The following TENM3 variants were observed in gnomAD, a reference collection of about 807,000 sequenced individuals.
TENM3 encodes teneurin transmembrane protein 3, also known as teneurin-3.
TENM3 carries 63 observed loss-of-function variants against 255.1 expected under a neutral mutation model. That is an observed-to-expected ratio of 0.25 (90% CI 0.20 to 0.30). The LOEUF (loss-of-function observed/expected upper bound fraction) is 0.30. Among genes scored for constraint, TENM3 ranks in the 10% least tolerant of loss-of-function variants. TENM3 has a pLI of 1.00. For missense variants in TENM3, 2,929 were observed against 3,461.1 expected, an observed-to-expected ratio of 0.85 and a Z score of 3.86; for synonymous variants, 1,306 against 1,322.3, an observed-to-expected ratio of 0.99 and a Z score of 0.27.
intron 22 of TENM3, among the ~76,000 whole-genome samples, chr4:182,760,900 C>T (rs563595492): frequency 2.6e-5 from 4 of 152,288 alleles, no homozygotes; most frequent in African/African-American, 4.8e-5. Context: ...GCATGTGCTA[C>T]GCCTAAGCCT....
At chr4:181,891,765 G>C in the TENM3 span, among the ~76,000 whole-genome samples, 2,216 of 152,210 alleles carry the variant, frequency 0.015, 58 homozygotes, top group African/African-American at 0.051. Flanking sequence ...CAAATCTAGT[G>C]TATGTGATGA....
the TENM3 span, among the ~76,000 whole-genome samples, chr4:181,587,687 A>T: frequency 2.6e-5 from 4 of 152,230 alleles, no homozygotes; most frequent in Non-Finnish European, 5.9e-5. Flanking sequence ...TCAAATACTA[A>T]GTTGAATGTT....
chr4:181,536,339 T>G, the TENM3 span, among the ~76,000 whole-genome samples: 1 of 152,236 alleles, frequency 6.6e-6, no homozygotes, highest in African/African-American at 2.4e-5. Context: ...TCAGATATCC[T>G]GAGCAAGCTG....
chr4:182,503,835 A>C (rs1393702069), intron 3 of TENM3, among the ~76,000 whole-genome samples: 1 of 152,138 alleles, frequency 6.6e-6, no homozygotes, highest in East Asian at 1.9e-4. Flanking sequence ...CCAGATATCC[A>C]CGAGACTTAC....
chr4:182,394,662 C>T (rs1768675301), intron 3 of TENM3, among the ~76,000 whole-genome samples: 1 of 152,140 alleles, frequency 6.6e-6, no homozygotes, highest in Non-Finnish European at 1.5e-5. Flanking sequence ...ATCCTTTCCA[C>T]AGTTGCTTGA....
intron 3 of TENM3, among the ~76,000 whole-genome samples, chr4:182,506,758 G>A (rs143721231): frequency 1.3e-5 from 2 of 152,296 alleles, no homozygotes; most frequent in African/African-American, 4.8e-5. Context: ...GGAGTATGGA[G>A]TAGGTGAACT....
At chr4:181,735,522 G>C in the TENM3 span, among the ~76,000 whole-genome samples, 1 of 152,002 alleles carries the variant, frequency 6.6e-6, no homozygotes, top group Non-Finnish European at 1.5e-5. Flanking sequence ...TTAATATTCT[G>C]TCTTATAAAC....
At chr4:182,263,698 C>T (rs1759033160) in intron 1 of TENM3, among the ~76,000 whole-genome samples, 1 of 152,166 alleles carries the variant, frequency 6.6e-6, no homozygotes, top group Non-Finnish European at 1.5e-5. Flanking sequence ...CTTGCCCACC[C>T]TGCCACGGAC....
At position 182,161,959 on chromosome 4, in the gene TENM3, GTATATATATA is replaced by G. The variant is rs766414090; in HGVS notation, c.-76+17233_-76+17242del. 5.2e-3 allele frequency among the ~76,000 whole-genome samples: 85 copies of G among 16,278 alleles called. 9 individuals are homozygous for G. The highest frequency in any genetic ancestry group is 0.011 in the African/African-American group (61 of 5,646). 10.7% of individuals were successfully genotyped at this position (16,278 alleles called of 152,430 possible). ...CATATATATATTTGTGTGTGTGTGTGTATATATATATATATATATATATATATATATATAT... is the reference window on the plus strand; with the variant it reads ...CATATATATATTTGTGTGTGTGTGTGTATATATATATATATATATATATAT... On this transcript the variant is annotated intron_variant, in intron 1 of 2. Coordinates refer to the TENM3 transcript ENST00000512480.
At chr4:182,541,903 A>G (rs2151891467) in intron 3 of TENM3, among the ~76,000 whole-genome samples, 1 of 148,110 alleles carries the variant, frequency 6.8e-6, no homozygotes, top group South Asian at 2.1e-4. Flanking sequence ...TACAAAACTT[A>G]AAAAAAAAAA....
the TENM3 span, among the ~76,000 whole-genome samples, chr4:181,648,070 C>T: frequency 1.3e-5 from 2 of 152,070 alleles, no homozygotes; most frequent in Admixed American, 1.3e-4. Flanking sequence ...CCCTGTAGTC[C>T]CGTGTTGCAC....
intron 3 of TENM3, among the ~76,000 whole-genome samples, chr4:182,579,169 A>G (rs1289536220): frequency 6.6e-6 from 1 of 152,200 alleles, no homozygotes; most frequent in Non-Finnish European, 1.5e-5. Flanking sequence ...GCGGTGAACC[A>G]TTGTTGGTTC....
chr4:182,244,019 C>A (rs371320549), intron 1 of TENM3, among the ~76,000 whole-genome samples: 1 of 134,820 alleles, frequency 7.4e-6, no homozygotes, highest in Non-Finnish European at 1.5e-5. Flanking sequence ...AGTGGCGTGA[C>A]CTCGGCTCAC....
At chr4:181,934,872 A>G in the TENM3 span, among the ~76,000 whole-genome samples, 1 of 152,154 alleles carries the variant, frequency 6.6e-6, no homozygotes, top group African/African-American at 2.4e-5. Context: ...GAGACATAAC[A>G]TGTTGATTTT....
chr4:181,549,261 G>C, the TENM3 span, among the ~76,000 whole-genome samples: 1 of 152,164 alleles, frequency 6.6e-6, no homozygotes. Flanking sequence ...TCAGCTCCAG[G>C]GGCACGAACA....
intron 3 of TENM3, among the ~76,000 whole-genome samples, chr4:182,565,804 T>G (rs58595490): frequency 0.028 from 4,338 of 152,302 alleles, 212 homozygotes; most frequent in African/African-American, 0.098. Context: ...AACAGTGAGA[T>G]TTCCACATCT....
At chr4:182,713,343 T>A (rs190363470) in intron 12 of TENM3, among the ~76,000 whole-genome samples, 1 of 152,354 alleles carries the variant, frequency 6.6e-6, no homozygotes, top group East Asian at 1.9e-4. Context: ...TGCACAGCTA[T>A]TACATTTAGT....
At chr4:182,677,043 A>C (rs185141847) in intron 7 of TENM3, among the ~76,000 whole-genome samples, 16 of 152,342 alleles carry the variant, frequency 1.1e-4, no homozygotes, top group Non-Finnish European at 2.2e-4. Flanking sequence ...ATTACAAAGC[A>C]AAACTCACAT....
chr4:181,671,613 G>T, the TENM3 span, among the ~76,000 whole-genome samples: 1 of 152,128 alleles, frequency 6.6e-6, no homozygotes, highest in Non-Finnish European at 1.5e-5. Flanking sequence ...GGTGCTCGAC[G>T]TACATTATTT....
Sources: gnomAD v4.1 joint callset for allele counts (sites outside exome capture counted in the v4.1 genomes callset) on GRCh38, gnomAD v4.1.1 for gene constraint, MANE v1.5 for transcripts, NCBI Gene and HGNC (gene_info 2026-07-23, HGNC 2026-07-21) for gene names.